CHAF1B: variants seen among roughly 807,000 people sequenced by gnomAD.
The protein encoded by CHAF1B is CAF-1 subunit B.
In CHAF1B, 10 loss-of-function variants were observed where a neutral mutation model predicts 60.7. The observed-to-expected ratio is 0.16, with a 90% confidence interval of 0.10 to 0.28. The LOEUF (loss-of-function observed/expected upper bound fraction) is 0.28. CHAF1B is among the 10% of genes least tolerant of loss of function. The pLI is 1.00. For synonymous variants in CHAF1B, 261 were observed against 266.1 expected, an observed-to-expected ratio of 0.98 and a Z score of 0.19; for missense variants, 558 against 708.4, an observed-to-expected ratio of 0.79 and a Z score of 2.41.
intron 3 of CHAF1B, among the ~76,000 whole-genome samples, chr21:36,389,800 T>TGCGTGC (rs1555911825): frequency 8.0e-6 from 1 of 124,746 alleles, no homozygotes; most frequent in African/African-American, 3.5e-5. Context: ...TGTGTGTGTG[T>TGCGTGC]GCGCGCGCAC....
At chr21:36,389,800 T>TGTGTGTGTGTGTGCGCGCGCGCGC in intron 3 of CHAF1B, among the ~76,000 whole-genome samples, 1 of 124,746 alleles carries the variant, frequency 8.0e-6, no homozygotes. Context: ...TGTGTGTGTG[T>TGTGTGTGTGTGTGCGCGCGCGCGC]GCGCGCGCAC....
intron 12 of CHAF1B, among the ~76,000 whole-genome samples, chr21:36,414,876 G>A (rs1464193267): frequency 6.6e-6 from 1 of 152,186 alleles, no homozygotes; most frequent in Non-Finnish European, 1.5e-5. Flanking sequence ...GCCCGCCAAA[G>A]TGCTGGGATT....
At position 36,418,539 on chromosome 21, in the gene CHAF1B, A is replaced by T. The variant is rs183888868; in HGVS notation, c.*2173A>T. On this transcript the variant is annotated 3_prime_UTR_variant, in exon 14 of 14. Transcript: ENST00000314103. ...TTATTGAGCAGCCTGCTTCCTGGCC[A>T]TACCTGGGGAGGAACAGTATTAGGT... is the stretch of plus-strand genomic sequence containing the variant. The T allele has an allele frequency of 1.4e-4, 22 of 152,340 alleles. No homozygotes were observed. The highest frequency in any genetic ancestry group is 4.6e-4 in the African/African-American group (19 of 41,546). 9.4% of individuals were successfully genotyped at this position (152,340 alleles called of 1,614,324 possible).
chr21:36,413,422 C>A, intron 12 of CHAF1B, 107 bp downstream of exon 12: 2 of 1,050,934 alleles, frequency 1.9e-6, no homozygotes, highest in African/African-American at 1.6e-5. Flanking sequence ...ATGCTTCATG[C>A]CAGTAGGTTG....
At position 36,416,408 on chromosome 21, in the gene CHAF1B, G is replaced by T; in HGVS notation, c.*42G>T. The T allele has an allele frequency of 6.5e-7, 1 of 1,543,752 alleles. No homozygotes were observed. Among genetic ancestry groups the T allele is most frequent in the South Asian group, 1.1e-5 (1 of 88,098 alleles). ...GCTCGAAGCCTACCAGGCTCCCGGT[G>T]TGTGCAGGGAGACGGTAAAGCTGGA... On this transcript the variant is annotated 3_prime_UTR_variant, in exon 14 of 14. Transcript: ENST00000314103.
chr21:36,407,267 A>T (rs866460893), intron 8 of CHAF1B, among the ~76,000 whole-genome samples: 1 of 151,280 alleles, frequency 6.6e-6, no homozygotes, highest in South Asian at 2.1e-4. Flanking sequence ...GCACCACTGC[A>T]CTCTAGCCTG....
intron 4 of CHAF1B, 147 bp downstream of exon 4, chr21:36,391,815 T>C: frequency 2.5e-6 from 1 of 404,704 alleles, no homozygotes; most frequent in Non-Finnish European, 4.5e-6. Flanking sequence ...CACAGTACCC[T>C]GCAGCCTTGA....
chr21:36,402,238 G>C (rs1222965791), intron 7 of CHAF1B, among the ~76,000 whole-genome samples: 2 of 152,184 alleles, frequency 1.3e-5, no homozygotes, highest in Admixed American at 1.3e-4. Context: ...TTTGAGCCCA[G>C]AAGTTCTAGG....
At chr21:36,404,865 T>G (rs1299316443) in intron 8 of CHAF1B, among the ~76,000 whole-genome samples, 1 of 149,818 alleles carries the variant, frequency 6.7e-6, no homozygotes, top group Non-Finnish European at 1.5e-5. Flanking sequence ...TGCCTCAGCC[T>G]CCTGAGTAGC....
Position 36,404,732 on chromosome 21 carries a change from CTTTTTTTTTTT to C in CHAF1B, c.757+1898_757+1908del, listed in dbSNP as rs61593376. 2.0e-4 allele frequency among the ~76,000 whole-genome samples: 10 copies of C among 50,556 alleles called. No homozygotes were observed. The East Asian group carries it at 6.8e-3, about 34-fold the overall frequency. The allele number at this position is 50,556 out of a possible 152,430, so 33.2% of individuals were successfully genotyped here. A position where few individuals can be genotyped will look rare whatever the true frequency, so the allele number is the denominator to read the frequency against. ...TATAGGTGTGAGCCATTGCGCTGGC[CTTTTTTTTTTT>C]TTTTTTTTTTTTTTTTAAAAAGCAG... On this transcript the variant is annotated intron_variant, in intron 8 of 13. Transcript: ENST00000314103.
rs1238839246 is a variant in CHAF1B, at chr21:36,413,289, G to A, written c.1467G>A (p.Leu489=). Residue 489 remains leucine, a synonymous_variant, in exon 12 of 14, where the codon CTG becomes CTA. Coordinates refer to ENST00000314103, the MANE Select transcript of CHAF1B (RefSeq NM_005441.3). ...CCCGGAGGGTCACTCTGAACACACT[G>A]CAAGCCTGGAGCAAGACAACACCCC... ...HPSRRVTLNT[L]QAWSKTTPRR... 1.9e-6 allele frequency: 3 copies of A among 1,596,160 alleles called. No individual in the cohort carries two copies. Among genetic ancestry groups the A allele is most frequent in the East Asian group, 2.2e-5 (1 of 44,678 alleles).
intron 3 of CHAF1B, among the ~76,000 whole-genome samples, chr21:36,389,714 G>A (rs1476059961): frequency 6.6e-6 from 1 of 150,864 alleles, no homozygotes; most frequent in Non-Finnish European, 1.5e-5. Flanking sequence ...GAGGAAAAGA[G>A]ACCTGGTTGA....
chr21:36,393,031 G>A (rs983666847), intron 4 of CHAF1B, among the ~76,000 whole-genome samples: 19 of 152,280 alleles, frequency 1.2e-4, no homozygotes, highest in Admixed American at 4.6e-4. Flanking sequence ...CCAACACAGC[G>A]AAACCCCATC....
rs188410790 is a variant in CHAF1B at position 36,410,182 on chromosome 21, C to T, written c.919+717C>T. The stretch of plus-strand genomic sequence containing the variant: ...TTTGCCATGTTGGCCAGGCTGGTCT[C>T]GAACTCCTGACCTCAGGTGATCCAC... On this transcript the variant is annotated intron_variant, in intron 10 of 13. Transcript: ENST00000314103. Among the ~76,000 whole-genome samples, 496 of 151,746 alleles carry T rather than the reference C, an allele frequency of 3.3e-3. 2 individuals are homozygous for T. The highest frequency in any genetic ancestry group is 0.011 in the African/African-American group (445 of 41,372).
intron 5 of CHAF1B, among the ~76,000 whole-genome samples, chr21:36,396,607 C>G (rs1175267454): frequency 6.7e-6 from 1 of 150,214 alleles, no homozygotes; most frequent in South Asian, 2.1e-4. Flanking sequence ...TGAGCTCTGA[C>G]GGCGCCACTG....
intron 3 of CHAF1B, chr21:36,389,050 C>G (rs1207095118): frequency 1.3e-5 from 2 of 152,312 alleles, no homozygotes; most frequent in African/African-American, 4.8e-5. Flanking sequence ...CAGTGCCGGT[C>G]GGGGTAAGAT....
chr21:36,386,176 G>A lies in CHAF1B; in HGVS notation c.40G>A (p.Glu14Lys). ...TTGTGAAATAGCCTGGCACAACAAG[G>A]AGCCCGTGTACAGCCTGGACTTCCA... is the stretch of plus-strand genomic sequence containing the variant. ...ITCEIAWHNK[E>K]PVYSLDFQHG... Residue 14 changes from glutamate (E) to lysine (K), a missense_variant, in exon 2 of 14, where the codon GAG (glutamate) becomes AAG (lysine). Glu to Lys is a moderately conservative substitution (Grantham distance 56). This residue lies in a region of CHAF1B where 325 missense variants were observed against 493.5 expected (regional missense o/e 0.66). Transcript: ENST00000314103. The A allele has an allele frequency of 1.9e-6, 3 of 1,614,182 alleles. No individual in the cohort carries two copies. Among genetic ancestry groups the A allele is most frequent in the Non-Finnish European group, 1.7e-6 (2 of 1,180,016 alleles).
At chr21:36,390,960 A>T (rs563106126) in intron 3 of CHAF1B, among the ~76,000 whole-genome samples, 1 of 152,136 alleles carries the variant, frequency 6.6e-6, no homozygotes, top group Non-Finnish European at 1.5e-5. Flanking sequence ...CCTGCCTATT[A>T]TCCCCATTTA....
intron 7 of CHAF1B, among the ~76,000 whole-genome samples, chr21:36,401,625 T>TATATTATACATAATATATATTTTC: frequency 7.2e-6 from 1 of 138,576 alleles, no homozygotes; most frequent in African/African-American, 2.7e-5. Flanking sequence ...TATATATTTT[T>TATATTATACATAATATATATTTTC]ATATTATATA....
Sources: gnomAD v4.1 joint callset for allele counts (sites outside exome capture counted in the v4.1 genomes callset) on GRCh38, gnomAD v4.1.1 for gene constraint, gnomAD v4.1.1 regional missense constraint, MANE v1.5 for transcripts, NCBI Gene and HGNC (gene_info 2026-07-23, HGNC 2026-07-21) for gene names.